DNAH12: variants seen among roughly 807,000 people sequenced by gnomAD.
DNAH12 encodes the protein axonemal beta dynein heavy chain 12.
In DNAH12, 285 loss-of-function variants were observed where a neutral mutation model predicts 371.5. That is an observed-to-expected ratio of 0.77 (90% CI 0.70 to 0.85). DNAH12 has a LOEUF of 0.85. Ranked by LOEUF, DNAH12 falls within the 40% of genes least tolerant of loss-of-function variation. The probability of loss-of-function intolerance (pLI) is 0.00; values close to 1 mark genes in which losing one functional copy is unlikely to be tolerated. For synonymous variants in DNAH12, 1,200 were observed against 1,213.0 expected (o/e 0.99, Z 0.22); for missense variants, 3,611 against 3,689.4 (o/e 0.98, Z 0.55).
chr3:57,314,670 G>T (rs140052672), intron 65 of DNAH12, 39 bp from the exon 66 acceptor site: 5 of 1,507,220 alleles, frequency 3.3e-6, no homozygotes, highest in Non-Finnish European at 4.4e-6. Flanking sequence ...AAAAAATTCC[G>T]GTCAGATTCC....
At chr3:57,545,099 G>C (rs904837424), upstream of DNAH12, among the ~76,000 whole-genome samples, 4 of 151,056 alleles carry the variant, frequency 2.6e-5, no homozygotes, top group Admixed American at 6.6e-5. Flanking sequence ...AAAACTTCCT[G>C]GTAGTTTGTA....
At chr3:57,447,247 T>C (rs2065535471) in intron 25 of DNAH12, among the ~76,000 whole-genome samples, 1 of 152,268 alleles carries the variant, frequency 6.6e-6, no homozygotes, top group Non-Finnish European at 1.5e-5. Flanking sequence ...CCTTGTATTA[T>C]ACTTAATTAC....
chr3:57,404,946 GCAT>G lies in DNAH12; in HGVS notation c.6755+20_6755+22del. ...AACATTTTACAGATAGCAATTTCAA[GCAT>G]CAACACCATATATAGGTACCTAAAA... On this transcript the variant is annotated intron_variant, in intron 42 of 73. Coordinates refer to ENST00000495027, the MANE Select transcript of DNAH12 (RefSeq NM_001366028.2). 1 of 1,445,396 alleles carries G rather than the reference GCAT, an allele frequency of 6.9e-7. No individual in the cohort carries two copies. The highest frequency in any genetic ancestry group is 9.1e-7 in the Non-Finnish European group (1 of 1,104,226). The allele number at this position is 1,445,396 out of a possible 1,614,324, so 89.5% of individuals were successfully genotyped here.
chr3:57,501,568 T>C (rs2067547411), intron 10 of DNAH12, among the ~76,000 whole-genome samples, 156 bp from the exon 11 acceptor site: 1 of 152,070 alleles, frequency 6.6e-6, no homozygotes, highest in African/African-American at 2.4e-5. Context: ...AGAAAATGGG[T>C]AGAATAAAAG....
At position 57,385,339 on chromosome 3, in the gene DNAH12, GATACTCT is replaced by G. The variant is rs1265257929; in HGVS notation, c.7683+3_7683+9del. ...GTCCTTTGACATCAAAAACATTCAGGATACTCTACCTGCATCATATTTGCATTTTCAA... is the reference window on the plus strand; with the variant it reads ...GTCCTTTGACATCAAAAACATTCAGGACCTGCATCATATTTGCATTTTCAA... On this transcript the variant is annotated splice_donor_5th_base_variant and intron_variant, in intron 48 of 73. Transcript: ENST00000495027. 1.3e-5 allele frequency: 2 copies of G among 152,052 alleles called. No homozygotes were observed. Among genetic ancestry groups the G allele is most frequent in the Admixed American group, 1.3e-4 (2 of 15,264 alleles). 9.4% of individuals were successfully genotyped at this position (152,052 alleles called of 1,614,324 possible). A position where few individuals can be genotyped will look rare whatever the true frequency, so the allele number is the denominator to read the frequency against.
At chr3:57,363,397 C>T (rs1341104863) in intron 58 of DNAH12, among the ~76,000 whole-genome samples, 197 bp downstream of exon 58, 2 of 152,004 alleles carry the variant, frequency 1.3e-5, no homozygotes, top group African/African-American at 2.4e-5. Context: ...ATAGATCAGA[C>T]CAGGTTTTAA....
intron 58 of DNAH12, among the ~76,000 whole-genome samples, chr3:57,360,578 C>T (rs2153327736): frequency 6.6e-6 from 1 of 152,272 alleles, no homozygotes; most frequent in African/African-American, 2.4e-5. Context: ...ATCCCAGCTA[C>T]TCAGGAGGCT....
chr3:57,490,324 T>A (rs2067073475), intron 11 of DNAH12, among the ~76,000 whole-genome samples: 1 of 152,062 alleles, frequency 6.6e-6, no homozygotes, highest in Non-Finnish European at 1.5e-5. Flanking sequence ...AGGGTAAGAC[T>A]CTATCTGTTA....
chr3:57,545,494 TAG>T (rs1288046809), upstream of DNAH12, among the ~76,000 whole-genome samples: 1 of 151,752 alleles, frequency 6.6e-6, no homozygotes, highest in Admixed American at 6.6e-5. Context: ...TATGACAGAT[TAG>T]ACAGTTTTTT....
intron 29 of DNAH12, among the ~76,000 whole-genome samples, chr3:57,443,875 A>T (rs2065389984): frequency 6.6e-6 from 1 of 152,186 alleles, no homozygotes; most frequent in Non-Finnish European, 1.5e-5. Context: ...TACAGTATGT[A>T]TACTAATATT....
At chr3:57,334,993 G>T (rs370051949) in intron 60 of DNAH12, 53 bp from the exon 61 acceptor site, 1 of 1,498,840 alleles carries the variant, frequency 6.7e-7, no homozygotes, top group East Asian at 2.5e-5. Flanking sequence ...AAAATTGAAT[G>T]ATGTCAACTT....
At chr3:57,528,101 T>G (rs577088926) in intron 2 of DNAH12, among the ~76,000 whole-genome samples, 1 of 152,188 alleles carries the variant, frequency 6.6e-6, no homozygotes, top group Non-Finnish European at 1.5e-5. Context: ...CAATCTCGGC[T>G]CACCGCAACC....
At chr3:57,360,120 G>GA (rs1393175340) in intron 58 of DNAH12, among the ~76,000 whole-genome samples, 2 of 152,040 alleles carry the variant, frequency 1.3e-5, no homozygotes, top group Non-Finnish European at 2.9e-5. Flanking sequence ...TCTCCCCTTT[G>GA]AAAACTAGTT....
intron 43 of DNAH12, among the ~76,000 whole-genome samples, chr3:57,401,406 AAG>A (rs1259063957): frequency 6.6e-6 from 1 of 150,706 alleles, no homozygotes; most frequent in African/African-American, 2.4e-5. Context: ...AAAAAAAAAA[AAG>A]AAAAAATTAT....
At chr3:57,350,076 G>C (rs1553659625) in intron 60 of DNAH12, among the ~76,000 whole-genome samples, 1 of 152,208 alleles carries the variant, frequency 6.6e-6, no homozygotes, top group Non-Finnish European at 1.5e-5. Flanking sequence ...ATATATGGGA[G>C]CTATGCTATG....
At chr3:57,406,356 C>CAAAAAAAAAAAAAAAA (rs782271639) in intron 40 of DNAH12, among the ~76,000 whole-genome samples, 1 of 96,048 alleles carries the variant, frequency 1.0e-5, no homozygotes, top group African/African-American at 3.6e-5. Context: ...GATTCTGCCT[C>CAAAAAAAAAAAAAAAA]AAAAAAAAAA....
intron 2 of DNAH12, among the ~76,000 whole-genome samples, chr3:57,538,235 A>G (rs1454928429): frequency 1.3e-5 from 2 of 152,222 alleles, no homozygotes; most frequent in African/African-American, 4.8e-5. Flanking sequence ...TAACATTGTG[A>G]ACATATCCAG....
chr3:57,330,642 AG>A (rs1284216163), intron 62 of DNAH12, among the ~76,000 whole-genome samples: 1 of 151,546 alleles, frequency 6.6e-6, no homozygotes, highest in African/African-American at 2.4e-5. Flanking sequence ...GCAGTGCACC[AG>A]CATGTCACAT....
chr3:57,316,815 C>T (rs2061695356), intron 65 of DNAH12, among the ~76,000 whole-genome samples: 1 of 152,156 alleles, frequency 6.6e-6, no homozygotes, highest in Non-Finnish European at 1.5e-5. Context: ...GCTTGCTTCC[C>T]CCTCACCTTC....
Sources: allele counts gnomAD v4.1 joint callset (sites outside exome capture counted in the v4.1 genomes callset), GRCh38; gene constraint gnomAD v4.1.1; transcripts MANE v1.5; gene names NCBI Gene and HGNC (gene_info 2026-07-23, HGNC 2026-07-21).